Variants in PKD1L1 observed in about 807,000 individuals in gnomAD.
PKD1L1 encodes the protein polycystin-1-like protein 1.
PKD1L1 carries 236 observed loss-of-function variants against 323.4 expected under a neutral mutation model. The ratio of observed to expected loss-of-function variants is 0.73; its 90% CI spans 0.66 to 0.81. The LOEUF is 0.81. Ranked by LOEUF, PKD1L1 falls within the 40% of genes least tolerant of loss-of-function variation. PKD1L1 has a pLI of 0.00. For missense variants in PKD1L1, 3,320 were observed against 3,508.0 expected, an observed-to-expected ratio of 0.95 and a Z score of 1.35; for synonymous variants, 1,344 against 1,335.0, an observed-to-expected ratio of 1.01 and a Z score of -0.15.
intron 1 of PKD1L1, 119 bp downstream of exon 1, chr7:47,948,278 G>A: frequency 8.6e-7 from 1 of 1,158,674 alleles, no homozygotes; most frequent in South Asian, 1.3e-5. Context: ...CTGGTACAGG[G>A]CCTCCACTCG....
In PKD1L1 at chr7:47,894,046, C is replaced by T. The variant is rs771697650; in HGVS notation, c.2285G>A (p.Gly762Asp). ...ACAGTAGTTGCTGTACACCACACTG[C>T]CTTCAATCTGAACCTGCAGGGGCAA... ...YTALAKVQIEGSVVYSNYCVG... is the reference protein window; with the variant it reads ...YTALAKVQIEDSVVYSNYCVG... Residue 762 changes from glycine (G) to aspartate (D), a missense_variant, in exon 15 of 57, where the codon GGC becomes GAC. By Grantham distance (94) the Gly-to-Asp change is moderately conservative. Coordinates refer to ENST00000289672, the MANE Select transcript of PKD1L1 (RefSeq NM_138295.5). The T allele has an allele frequency of 1.3e-6, 2 of 1,567,454 alleles. No individual in the cohort carries two copies. The highest frequency in any genetic ancestry group is 1.4e-5 in the African/African-American group (1 of 73,470).
intron 26 of PKD1L1, among the ~76,000 whole-genome samples, chr7:47,863,145 G>GA: frequency 6.6e-6 from 1 of 152,256 alleles, no homozygotes; most frequent in Non-Finnish European, 1.5e-5. Flanking sequence ...ATGAGGGGAA[G>GA]AAAGGACTCC....
rs778307058 is a variant in PKD1L1 at position 47,792,817 on chromosome 7, A to G, written c.8356-20T>C. The G allele has an allele frequency of 1.0e-5, 16 of 1,596,260 alleles. No individual in the cohort carries two copies. The South Asian group carries it at 1.8e-4, about 18-fold the overall frequency. ...GTAATTCTGAAGGGAAGAAAATTAG[A>G]TTAGTAAATGCATTCAAGAATCTCA... On this transcript the variant is annotated intron_variant, in intron 55 of 56. Coordinates refer to ENST00000289672, the MANE Select transcript of PKD1L1 (RefSeq NM_138295.5).
At position 47,829,464 on chromosome 7, in the gene PKD1L1, T is replaced by G. The variant is rs1287665461; in HGVS notation, c.6696A>C (p.Ser2232=). ...ERSWTRLPFS[S]SCSIPDCAGE... is the part of the protein sequence containing the mutation. ...CTGCACAGTCAGGAATACTGCAGCT[T>G]GAAGAGAAGGGGAGGCGAGTCCAGG... The change falls in exon 44 of 57, where the codon TCA becomes TCC. Residue 2232 remains serine, a synonymous_variant. Coordinates refer to ENST00000289672, the MANE Select transcript of PKD1L1 (RefSeq NM_138295.5). 1 of 1,614,126 alleles carries G rather than the reference T, an allele frequency of 6.2e-7. No homozygotes were observed. The highest frequency in any genetic ancestry group is 8.5e-7 in the Non-Finnish European group (1 of 1,180,022).
chr7:47,855,887 A>G (rs1346645629), intron 28 of PKD1L1, among the ~76,000 whole-genome samples: 1 of 149,918 alleles, frequency 6.7e-6, no homozygotes, highest in African/African-American at 2.5e-5. Flanking sequence ...AAAAAAAAAA[A>G]AAAAAAAAAA....
intron 56 of PKD1L1, 132 bp downstream of exon 56, chr7:47,792,495 T>A (rs1584945745): frequency 6.8e-6 from 6 of 884,264 alleles, no homozygotes; most frequent in South Asian, 3.8e-5. Context: ...GCATATCTTA[T>A]CAGCAGTATG....
At chr7:47,830,179 GC>G in intron 42 of PKD1L1, 55 bp from the exon 43 acceptor site, 2 of 1,443,838 alleles carry the variant, frequency 1.4e-6, no homozygotes, top group Non-Finnish European at 1.9e-6. Context: ...AGGCCACCCA[GC>G]AGTCATTGCT....
intron 56 of PKD1L1, among the ~76,000 whole-genome samples, chr7:47,782,402 T>G (rs994311860): frequency 1.3e-4 from 20 of 152,182 alleles, no homozygotes; most frequent in African/African-American, 4.8e-4. Context: ...TCTGGAAAAT[T>G]ATTCAACTCA....
At chr7:47,953,261 C>A (rs1051547552), upstream of PKD1L1, among the ~76,000 whole-genome samples, 3 of 152,224 alleles carry the variant, frequency 2.0e-5, no homozygotes, top group Non-Finnish European at 4.4e-5. Context: ...TTTAGGCCCT[C>A]AAGCACTTAT....
At chr7:47,804,736 T>A (rs12702392) in intron 52 of PKD1L1, among the ~76,000 whole-genome samples, 21,193 of 152,180 alleles carry the variant, frequency 0.14, 1,812 homozygotes, top group African/African-American at 0.23. Context: ...CTGTCAGCCT[T>A]GGCCTCCCAA....
rs577798082 is a variant in PKD1L1 at position 47,795,556 on chromosome 7, G to A, written c.8355+433C>T. On this transcript the variant is annotated intron_variant, in intron 55 of 56. Transcript: ENST00000289672. The stretch of plus-strand genomic sequence containing the variant: ...GAAAGTGAGTATTCAGTGTGCAAAC[G>A]CCTGGTTTGATTTGTTTACATGCAT... The A allele has an allele frequency of 2.0e-5, 7 of 347,776 alleles. No homozygotes were observed. The East Asian group carries it at 4.1e-4, about 20-fold the overall frequency. 21.5% of individuals were successfully genotyped at this position (347,776 alleles called of 1,614,324 possible). A position where few individuals can be genotyped will look rare whatever the true frequency, so the allele number is the denominator to read the frequency against.
intron 36 of PKD1L1, among the ~76,000 whole-genome samples, chr7:47,837,505 A>G (rs1327736333): frequency 1.3e-5 from 2 of 152,124 alleles, no homozygotes; most frequent in Non-Finnish European, 2.9e-5. Flanking sequence ...CATGGGTCTC[A>G]AATGCCTTCA....
intron 8 of PKD1L1, among the ~76,000 whole-genome samples, chr7:47,915,047 G>A (rs190066857): frequency 2.9e-4 from 44 of 152,212 alleles, no homozygotes; most frequent in Non-Finnish European, 5.1e-4. Context: ...AATTAATAAC[G>A]AAAGCAGTTC....
Position 47,808,285 on chromosome 7 carries a change from C to G in PKD1L1, c.7789G>C (p.Ala2597Pro). Residue 2597 changes from alanine to proline, a missense_variant, in exon 52 of 57, where the codon GCA (alanine) becomes CCA (proline). By Grantham distance (27) the Ala-to-Pro change is conservative. Transcript: ENST00000289672. Reference sequence around the variant, plus strand: ...GCCATAAGGGTGAGGTCCATAAATGCTCGGCAAAGTCCTCTGTGAAACTGG... The same window carrying G: ...GCCATAAGGGTGAGGTCCATAAATGGTCGGCAAAGTCCTCTGTGAAACTGG... ...TNQFHRGLCR[A>P]FMDLTLMASW... 1 of 1,614,162 alleles carries G rather than the reference C, an allele frequency of 6.2e-7. No individual in the cohort carries two copies. Among genetic ancestry groups the G allele is most frequent in the South Asian group, 1.1e-5 (1 of 91,076 alleles).
chr7:47,830,235 G>A lies in PKD1L1; in HGVS notation c.6474-111C>T, dbSNP rs147934557. The A allele has an allele frequency of 5.9e-3, 4,931 of 841,462 alleles. 22 individuals carry two copies. Among genetic ancestry groups the A allele is most frequent in the Non-Finnish European group, 8.0e-3 (4,247 of 530,196 alleles). 52.1% of individuals were successfully genotyped at this position (841,462 alleles called of 1,614,324 possible). A position where few individuals can be genotyped will look rare whatever the true frequency, so the allele number is the denominator to read the frequency against. On this transcript the variant is annotated intron_variant, in intron 42 of 56. Coordinates refer to ENST00000289672, the MANE Select transcript of PKD1L1 (RefSeq NM_138295.5). ...GCCTGAGAGGGCCTATGGCCTCGCC[G>A]TGGCAGGAAGCCTGCTGTGGGGGTG... is the stretch of plus-strand genomic sequence containing the variant.
chr7:47,819,138 C>T lies in PKD1L1; in HGVS notation c.6965+1938G>A, dbSNP rs1031968423. ...AGGTATTGGGGGCTAGGGGGTGAGA[C>T]GGAGAGGGTCCACTTTAAACATTCC... On this transcript the variant is annotated intron_variant, in intron 46 of 56. Coordinates refer to ENST00000289672, the MANE Select transcript of PKD1L1 (RefSeq NM_138295.5). 7.9e-5 allele frequency among the ~76,000 whole-genome samples: 12 copies of T among 152,258 alleles called. 1 individual carries two copies. The highest frequency in any genetic ancestry group is 2.6e-4 in the African/African-American group (11 of 41,544).
intron 56 of PKD1L1, among the ~76,000 whole-genome samples, chr7:47,788,798 C>T (rs953553953): frequency 6.6e-6 from 1 of 150,860 alleles, no homozygotes; most frequent in Non-Finnish European, 1.5e-5. Flanking sequence ...GGGTTTTCAC[C>T]GTGTGAGCCA....
At chr7:47,902,561 C>T (rs1787116617) in intron 12 of PKD1L1, 50 bp from the exon 13 acceptor site, 1 of 1,592,344 alleles carries the variant, frequency 6.3e-7, no homozygotes, top group Non-Finnish European at 8.6e-7. Context: ...TGATGAACGT[C>T]AGGCTTTCAT....
chr7:47,834,903 T>C lies in PKD1L1; in HGVS notation c.6127+64A>G, dbSNP rs1583606936. The C allele has an allele frequency of 2.9e-6, 4 of 1,359,262 alleles. No homozygotes were observed. The East Asian group carries it at 7.0e-5, about 24-fold the overall frequency. 84.2% of individuals were successfully genotyped at this position (1,359,262 alleles called of 1,614,324 possible). ...GAAAACAGAAGATACAATTTCTACTTAGTAGATTGGTGCAAAAGGCTCAGC... is the reference window on the plus strand; with the variant it reads ...GAAAACAGAAGATACAATTTCTACTCAGTAGATTGGTGCAAAAGGCTCAGC... On this transcript the variant is annotated intron_variant, in intron 39 of 56. Transcript: ENST00000289672.
Sources: gnomAD v4.1 joint callset for allele counts (sites outside exome capture counted in the v4.1 genomes callset) on GRCh38, gnomAD v4.1.1 for gene constraint, MANE v1.5 for transcripts, NCBI Gene and HGNC (gene_info 2026-07-23, HGNC 2026-07-21) for gene names.